SNTB1: variants seen among roughly 807,000 people sequenced by gnomAD.
SNTB1 encodes the protein syntrophin beta 1, also known as beta-1-syntrophin.
SNTB1 carries 36 observed loss-of-function variants against 48.9 expected under a neutral mutation model. That is an observed-to-expected ratio of 0.74 (90% CI 0.56 to 0.97). The LOEUF (loss-of-function observed/expected upper bound fraction) is 0.97. Among genes scored for constraint, SNTB1 ranks in the 50% least tolerant of loss-of-function variants. The pLI, the probability that SNTB1 is intolerant of heterozygous loss-of-function variation, is 0.00. For missense variants in SNTB1, 786 were observed against 703.4 expected, an observed-to-expected ratio of 1.12 and a Z score of -1.33; for synonymous variants, 299 against 294.6, an observed-to-expected ratio of 1.01 and a Z score of -0.15.
chr8:120,584,671 A>ATG (rs1816109039), intron 3 of SNTB1, among the ~76,000 whole-genome samples: 1 of 152,134 alleles, frequency 6.6e-6, no homozygotes, highest in South Asian at 2.1e-4. Flanking sequence ...GTTCCCCCAA[A>ATG]TTCATATGTT....
intron 1 of SNTB1, among the ~76,000 whole-genome samples, chr8:120,763,467 AAACT>A (rs1158209684): frequency 1.3e-5 from 2 of 152,198 alleles, no homozygotes; most frequent in African/African-American, 4.8e-5. Context: ...TGGAAAAACA[AAACT>A]AACTAGGAAA....
At chr8:120,666,775 A>T (rs1258257080) in intron 2 of SNTB1, among the ~76,000 whole-genome samples, 1 of 152,136 alleles carries the variant, frequency 6.6e-6, no homozygotes, top group Admixed American at 6.5e-5. Flanking sequence ...TTCATTTTTA[A>T]AAAATTATCT....
At chr8:120,729,787 C>A (rs1380531709) in intron 1 of SNTB1, among the ~76,000 whole-genome samples, 1 of 152,192 alleles carries the variant, frequency 6.6e-6, no homozygotes, top group Non-Finnish European at 1.5e-5. Flanking sequence ...TACCATCGAC[C>A]TCACAGGATA....
At chr8:120,605,994 G>T (rs754771699) in intron 3 of SNTB1, among the ~76,000 whole-genome samples, 3 of 151,946 alleles carry the variant, frequency 2.0e-5, no homozygotes, top group Non-Finnish European at 4.4e-5. Context: ...GCCCCTACTC[G>T]TCCCTGCATC....
chr8:120,693,767 T>G lies in SNTB1; in HGVS notation c.713A>C (p.His238Pro), dbSNP rs371508748. ...DPPSSQSFSF[H>P]RDRKSIPLKM... is the part of the protein sequence containing the mutation. ...GAGGGGGATGCTTTTCCGGTCTCTG[T>G]GGAAGGAGAAGGACTGCGATGACGG... is the stretch of plus-strand genomic sequence containing the variant. The change falls in exon 2 of 7, where the codon CAC (histidine) becomes CCC (proline). Residue 238 changes from histidine (H) to proline (P), a missense_variant. By Grantham distance (77) the His-to-Pro change is moderately conservative (BLOSUM62 -2). Coordinates refer to ENST00000517992, the MANE Select transcript of SNTB1 (RefSeq NM_021021.4). The G allele has an allele frequency of 1.2e-6, 2 of 1,613,754 alleles. No individual in the cohort carries two copies. Among genetic ancestry groups the G allele is most frequent in the South Asian group, 1.1e-5 (1 of 91,048 alleles).
At chr8:120,742,699 C>T (rs1587128587) in intron 1 of SNTB1, among the ~76,000 whole-genome samples, 2 of 152,250 alleles carry the variant, frequency 1.3e-5, no homozygotes, top group East Asian at 3.9e-4. Flanking sequence ...AATGAATTTG[C>T]CTCTTACAGT....
intron 1 of SNTB1, among the ~76,000 whole-genome samples, chr8:120,717,620 G>A (rs73706738): frequency 0.024 from 3,670 of 152,246 alleles, 139 homozygotes; most frequent in African/African-American, 0.083. Context: ...AGCAGAGAAC[G>A]GGCAGGAGTC....
intron 2 of SNTB1, among the ~76,000 whole-genome samples, chr8:120,645,087 C>T (rs866211979): frequency 0.03 from 4,492 of 147,420 alleles, 166 homozygotes; most frequent in African/African-American, 0.092. Context: ...GAGTAGGTTG[C>T]GAAAATTTTC....
chr8:120,725,797 T>C (rs1818743765), intron 1 of SNTB1, among the ~76,000 whole-genome samples: 1 of 152,212 alleles, frequency 6.6e-6, no homozygotes, highest in Non-Finnish European at 1.5e-5. Flanking sequence ...ATCTGTATTC[T>C]TACCTTAAGG....
intron 1 of SNTB1, among the ~76,000 whole-genome samples, chr8:120,797,207 T>C (rs1820133220): frequency 6.6e-6 from 1 of 152,052 alleles, no homozygotes; most frequent in South Asian, 2.1e-4. Context: ...ATTTCATATC[T>C]GAGGCAAAGA....
chr8:120,782,486 C>A (rs1377206522), intron 1 of SNTB1, among the ~76,000 whole-genome samples: 1 of 151,828 alleles, frequency 6.6e-6, no homozygotes, highest in African/African-American at 2.4e-5. Flanking sequence ...TAGAGATTTC[C>A]TGCACATTTA....
At chr8:120,715,179 C>T (rs1035379095) in intron 1 of SNTB1, among the ~76,000 whole-genome samples, 8 of 152,168 alleles carry the variant, frequency 5.3e-5, no homozygotes, top group African/African-American at 1.9e-4. Context: ...CCAGGTCATT[C>T]AGTCTTGACT....
At chr8:120,714,007 G>A (rs983587466) in intron 1 of SNTB1, among the ~76,000 whole-genome samples, 15 of 152,158 alleles carry the variant, frequency 9.9e-5, no homozygotes, top group African/African-American at 3.6e-4. Flanking sequence ...ACTGTCATAG[G>A]CTAGAGTGTA....
At chr8:120,764,569 G>A (rs1819483384) in intron 1 of SNTB1, among the ~76,000 whole-genome samples, 1 of 152,064 alleles carries the variant, frequency 6.6e-6, no homozygotes, top group Admixed American at 6.5e-5. Context: ...TCTAATGTTT[G>A]TATTACCAGT....
chr8:120,575,338 T>C (rs1815934344), intron 3 of SNTB1, 113 bp from the exon 4 acceptor site: 4 of 1,240,488 alleles, frequency 3.2e-6, no homozygotes, highest in African/African-American at 1.5e-5. Flanking sequence ...TCTTTTGGTT[T>C]GGTTGCAAAA....
chr8:120,642,569 T>C (rs1817214683), intron 2 of SNTB1, among the ~76,000 whole-genome samples: 1 of 152,000 alleles, frequency 6.6e-6, no homozygotes, highest in Non-Finnish European at 1.5e-5. Flanking sequence ...TTCTGGAGAG[T>C]ATGTTAGTTA....
intron 1 of SNTB1, among the ~76,000 whole-genome samples, chr8:120,765,054 C>A (rs1461943260): frequency 6.6e-6 from 1 of 152,030 alleles, no homozygotes; most frequent in Non-Finnish European, 1.5e-5. Flanking sequence ...GGTGAAACCC[C>A]ATCACTACTA....
At position 120,664,915 on chromosome 8, in the gene SNTB1, C is replaced by T. The variant is rs552729422; in HGVS notation, c.788+28777G>A. Among the ~76,000 whole-genome samples the T allele has an allele frequency of 4.9e-4, 74 of 152,240 alleles. 1 individual carries two copies. The highest frequency in any genetic ancestry group is 1.8e-3 in the African/African-American group (73 of 41,530). On this transcript the variant is annotated intron_variant, in intron 2 of 6. Coordinates refer to ENST00000517992, the MANE Select transcript of SNTB1 (RefSeq NM_021021.4). ...GAAGTATATGAAGGTCTGAGTTCTT[C>T]CACATCCTCGCCAATACCTAATATA...
intron 2 of SNTB1, among the ~76,000 whole-genome samples, chr8:120,672,020 G>A (rs181732146): frequency 2.6e-5 from 4 of 152,240 alleles, no homozygotes; most frequent in South Asian, 4.1e-4. Context: ...TCAAGTACCC[G>A]AACAACCTCC....
Sources: allele counts gnomAD v4.1 joint callset (sites outside exome capture counted in the v4.1 genomes callset), GRCh38; gene constraint gnomAD v4.1.1; transcripts MANE v1.5; gene names NCBI Gene and HGNC (gene_info 2026-07-23, HGNC 2026-07-21).